NPHS1: variants seen among roughly 807,000 people sequenced by gnomAD.
NPHS1 encodes the protein NPHS1 adhesion molecule, nephrin, also known as nephrin.
Under a neutral mutation model 139.7 loss-of-function variants are expected in NPHS1, and 107 were observed. The ratio of observed to expected loss-of-function variants is 0.77; its 90% CI spans 0.66 to 0.90. The LOEUF (loss-of-function observed/expected upper bound fraction) is 0.90. NPHS1 is among the 40% of genes least tolerant of loss of function. The probability of loss-of-function intolerance (pLI) is 0.00; values close to 1 mark genes in which losing one functional copy is unlikely to be tolerated. For missense variants in NPHS1, 1,580 were observed against 1,654.2 expected (o/e 0.96, Z 0.78); for synonymous variants, 707 against 706.6 (o/e 1.00, Z -0.01).
At chr19:35,830,528 G>A (rs1247429086) in intron 28 of NPHS1, among the ~76,000 whole-genome samples, 1 of 152,256 alleles carries the variant, frequency 6.6e-6, no homozygotes, top group Non-Finnish European at 1.5e-5. Flanking sequence ...TCCTGGCTCA[G>A]CCTCCTGAGT....
chr19:35,832,506 T>C (rs993841068), intron 23 of NPHS1, among the ~76,000 whole-genome samples: 117 of 152,080 alleles, frequency 7.7e-4, no homozygotes, highest in African/African-American at 2.7e-3. Context: ...ATAGCACCAC[T>C]GCACTCCAGC....
chr19:35,835,858 G>T, intron 22 of NPHS1, 97 bp from the exon 23 acceptor site: 1 of 1,059,982 alleles, frequency 9.4e-7, no homozygotes. Flanking sequence ...AGATTCATGG[G>T]AACTGGTATA....
At position 35,835,731 on chromosome 19, in the gene NPHS1, T is replaced by G. The variant is rs766598867; in HGVS notation, c.3140A>C (p.Asp1047Ala). Residue 1047 changes from aspartate to alanine, a missense_variant, in exon 23 of 29, where the codon GAC becomes GCC. By Grantham distance (126) the Asp-to-Ala change is moderately radical. Coordinates refer to ENST00000378910, the MANE Select transcript of NPHS1 (RefSeq NM_004646.4). ...GLHQPSGEPE[D>A]QLPTEPPSGP... ...TGAAGGTGGCTCTGTGGGCAGCTGG[T>G]CTTCAGGTTCTCCAGAAGGCTGGTG... 6.2e-7 allele frequency: 1 copy of G among 1,613,542 alleles called. No individual in the cohort carries two copies. The highest frequency in any genetic ancestry group is 1.3e-5 in the African/African-American group (1 of 74,856).
chr19:35,850,402 G>A lies in NPHS1; in HGVS notation c.570C>T (p.Gly190=), dbSNP rs1475015789. 2 of 1,614,148 alleles carry A rather than the reference G, an allele frequency of 1.2e-6. No homozygotes were observed. Among genetic ancestry groups the A allele is most frequent in the Middle Eastern group, 1.7e-4 (1 of 6,060 alleles). ...ISDISANVNE[G]SQQKLFTVEA... is the part of the protein sequence containing the mutation. ...CCACAGTGAAGAGTTTCTGCTGGGA[G>A]CCCTCGTTCACGTTTGCAGAGATGT... The change falls in exon 5 of 29, where the codon GGC becomes GGT. Residue 190 remains glycine, a synonymous_variant. Coordinates refer to ENST00000378910, the MANE Select transcript of NPHS1 (RefSeq NM_004646.4).
At chr19:35,839,666 G>GGAAT (rs1206812705) in intron 20 of NPHS1, 59 bp from the exon 21 acceptor site, 5 of 1,367,404 alleles carry the variant, frequency 3.7e-6, no homozygotes, top group Non-Finnish European at 5.2e-6. Context: ...AGAAGATTCT[G>GGAAT]TCCAGGTTTT....
intron 23 of NPHS1, among the ~76,000 whole-genome samples, chr19:35,834,957 G>A (rs1415605434): frequency 6.6e-6 from 1 of 151,730 alleles, no homozygotes; most frequent in Non-Finnish European, 1.5e-5. Flanking sequence ...CAGCACTTTG[G>A]GAAGCTGAGG....
Position 35,826,516 on chromosome 19 carries a change from A to ACAC in NPHS1, c.3721_3723dup (p.Val1241dup), listed in dbSNP as rs761572554. On this transcript the variant is annotated inframe_insertion, in exon 29 of 29. Coordinates refer to ENST00000378910, the MANE Select transcript of NPHS1 (RefSeq NM_004646.4). ...GGACAATGGGGTTGAGAGGGCTCTT[A>ACAC]CACCAGATGTCCCCTCAGCTCGAAG... 6.2e-7 allele frequency: 1 copy of ACAC among 1,613,568 alleles called. No individual in the cohort carries two copies. The highest frequency in any genetic ancestry group is 8.5e-7 in the Non-Finnish European group (1 of 1,179,992).
At position 35,843,580 on chromosome 19, in the gene NPHS1, G is replaced by T. The variant is rs745329899; in HGVS notation, c.2226C>A (p.Ile742=). ...LRLDVHYAPT[I]RALQDPTEVN... is the part of the protein sequence containing the mutation. ...CCTCAGTGGGGTCCTGGAGGGCACG[G>T]ATGGTGGGAGCATCTGGTGGAAGGC... The change falls in exon 17 of 29, where the codon ATC becomes ATA. Residue 742 remains isoleucine, a synonymous_variant. Coordinates refer to ENST00000378910, the MANE Select transcript of NPHS1 (RefSeq NM_004646.4). 2 of 1,614,120 alleles carry T rather than the reference G, an allele frequency of 1.2e-6. No homozygotes were observed. The highest frequency in any genetic ancestry group is 1.7e-6 in the Non-Finnish European group (2 of 1,179,974).
At position 35,852,304 on chromosome 19, in the gene NPHS1, GTCTC is replaced by G. The variant is rs139954720; in HGVS notation, c.-471_-468del. On this transcript the variant is annotated 5_prime_UTR_variant, in exon 1 of 29. Coordinates refer to ENST00000378910, the MANE Select transcript of NPHS1 (RefSeq NM_004646.4). Reference sequence around the variant, plus strand: ...TGTCTCTGTCTCTTCCTCTCTCTCTGTCTCTCTCTCTCTCTCTCTCTCAATCTCT... The same window carrying G: ...TGTCTCTGTCTCTTCCTCTCTCTCTGTCTCTCTCTCTCTCTCTCAATCTCT... 4.5e-4 allele frequency among the ~76,000 whole-genome samples: 66 copies of G among 145,128 alleles called. 1 individual carries two copies. Among genetic ancestry groups the G allele is most frequent in the African/African-American group, 1.3e-3 (52 of 39,822 alleles).
At chr19:35,850,745 C>T (rs1167018471) in intron 4 of NPHS1, among the ~76,000 whole-genome samples, 1 of 152,186 alleles carries the variant, frequency 6.6e-6, no homozygotes, top group Non-Finnish European at 1.5e-5. Flanking sequence ...TCTATCTGGG[C>T]CTCAGCCTTG....
At chr19:35,843,257 T>C (rs1482558308) in intron 17 of NPHS1, among the ~76,000 whole-genome samples, 1 of 152,178 alleles carries the variant, frequency 6.6e-6, no homozygotes, top group African/African-American at 2.4e-5. Context: ...TTTTGACCTA[T>C]CTATCCATCT....
Position 35,826,498 on chromosome 19 carries a change from G to A in NPHS1, c.*16C>T. 2 of 1,613,214 alleles carry A rather than the reference G, an allele frequency of 1.2e-6. No homozygotes were observed. Among genetic ancestry groups the A allele is most frequent in the South Asian group, 1.1e-5 (1 of 91,026 alleles). ...TAAATTCCTGCAGGTGCAGGACAAT[G>A]GGGTTGAGAGGGCTCTTACACCAGA... On this transcript the variant is annotated 3_prime_UTR_variant, in exon 29 of 29. Transcript: ENST00000378910.
chr19:35,827,659 C>G (rs1272618137), intron 28 of NPHS1, among the ~76,000 whole-genome samples: 2 of 152,170 alleles, frequency 1.3e-5, no homozygotes, highest in Non-Finnish European at 2.9e-5. Flanking sequence ...TGACTCATGC[C>G]TGTAATCCTA....
chr19:35,849,864 A>G (rs185303467), intron 5 of NPHS1, among the ~76,000 whole-genome samples: 44 of 152,244 alleles, frequency 2.9e-4, no homozygotes, highest in Middle Eastern at 3.4e-3. Context: ...CCAAAACTTT[A>G]GTGCTTGGGA....
intron 23 of NPHS1, 113 bp downstream of exon 23, chr19:35,835,592 G>T (rs1272126609): frequency 4.1e-6 from 4 of 973,254 alleles, no homozygotes; most frequent in Admixed American, 3.4e-5. Context: ...GACTGAGCTT[G>T]GCCAGAACTA....
chr19:35,832,715 T>C (rs1416293506), intron 23 of NPHS1, among the ~76,000 whole-genome samples: 1 of 151,506 alleles, frequency 6.6e-6, no homozygotes, highest in African/African-American at 2.4e-5. Flanking sequence ...GGTAAAACCC[T>C]GTCTCTACTA....
intron 22 of NPHS1, among the ~76,000 whole-genome samples, chr19:35,838,064 C>T (rs564746988): frequency 1.3e-5 from 2 of 150,494 alleles, no homozygotes; most frequent in Non-Finnish European, 2.9e-5. Flanking sequence ...TCAGCCTGGA[C>T]AACATGGTGA....
In NPHS1 at chr19:35,826,175, G is replaced by T; in HGVS notation, c.*339C>A. On this transcript the variant is annotated 3_prime_UTR_variant, in exon 29 of 29. Transcript: ENST00000378910. ...TTGGCCAGGCTGGTCTCGAACTCCT[G>T]ACCTCAGGTGATCCACCCGCCTCAG... 1 of 287,870 alleles carries T rather than the reference G, an allele frequency of 3.5e-6. No homozygotes were observed. 17.8% of individuals were successfully genotyped at this position (287,870 alleles called of 1,614,324 possible).
chr19:35,851,410 C>A (rs1015547249), intron 2 of NPHS1, 26 bp from the exon 3 acceptor site: 2 of 1,612,368 alleles, frequency 1.2e-6, no homozygotes, highest in Non-Finnish European at 1.7e-6. Flanking sequence ...GAAGTCAGGG[C>A]CGCAGCTTCC....
Sources: gnomAD v4.1 joint callset for allele counts (sites outside exome capture counted in the v4.1 genomes callset) on GRCh38, gnomAD v4.1.1 for gene constraint, MANE v1.5 for transcripts, NCBI Gene and HGNC (gene_info 2026-07-23, HGNC 2026-07-21) for gene names.